Variants in LDLRAD4 observed in about 807,000 individuals in gnomAD.
LDLRAD4 encodes low density lipoprotein receptor class A domain containing 4, also known as low-density lipoprotein receptor class A domain-containing protein 4.
In LDLRAD4, 5 loss-of-function variants were observed where a neutral mutation model predicts 17.0. That is an observed-to-expected ratio of 0.29 (90% confidence interval 0.15 to 0.62). LDLRAD4 has a LOEUF of 0.62. LDLRAD4 is among the 20% of genes least tolerant of loss of function. The pLI is 0.84. For missense variants in LDLRAD4, 340 were observed against 424.7 expected (o/e 0.80, Z 1.75); for synonymous variants, 168 against 171.8 (o/e 0.98, Z 0.17).
At chr18:13,372,328 T>G (rs2084580018) in intron 1 of LDLRAD4, among the ~76,000 whole-genome samples, 1 of 152,228 alleles carries the variant, frequency 6.6e-6, no homozygotes, top group African/African-American at 2.4e-5. Flanking sequence ...TTTTCCTGGT[T>G]AGCCTTACTT....
chr18:13,465,944 G>A (rs2092602337), intron 3 of LDLRAD4, among the ~76,000 whole-genome samples: 1 of 151,944 alleles, frequency 6.6e-6, no homozygotes, highest in South Asian at 2.1e-4. Context: ...TATTTTACCT[G>A]TCTCACTTAC....
intron 1 of LDLRAD4, among the ~76,000 whole-genome samples, chr18:13,333,151 A>T (rs2081950230): frequency 6.6e-6 from 1 of 151,332 alleles, no homozygotes; most frequent in South Asian, 2.1e-4. Flanking sequence ...TTTAATTTTC[A>T]TTTTCCTGAT....
intron 3 of LDLRAD4, among the ~76,000 whole-genome samples, chr18:13,469,009 A>T (rs190745333): frequency 2.0e-5 from 3 of 152,334 alleles, no homozygotes; most frequent in East Asian, 1.9e-4. Flanking sequence ...ATAATAATAA[A>T]AAAAGAACTA....
At chr18:13,347,322 C>T (rs550407450) in intron 1 of LDLRAD4, among the ~76,000 whole-genome samples, 6 of 152,288 alleles carry the variant, frequency 3.9e-5, no homozygotes, top group Non-Finnish European at 7.4e-5. Context: ...ATTTCTCTTT[C>T]ACTTATGAAG....
chr18:13,439,537 T>G (rs2090890314), intron 3 of LDLRAD4, among the ~76,000 whole-genome samples: 1 of 152,236 alleles, frequency 6.6e-6, no homozygotes, highest in Admixed American at 6.5e-5. Context: ...TTCTTGGAGG[T>G]TCAGGCTGGG....
chr18:13,503,300 A>G (rs140921267), intron 3 of LDLRAD4, among the ~76,000 whole-genome samples: 2 of 152,310 alleles, frequency 1.3e-5, no homozygotes, highest in East Asian at 1.9e-4. Context: ...CAGCATCTCA[A>G]TTCTGCGCAG....
chr18:13,254,400 G>T (rs1262551012), intron 1 of LDLRAD4, among the ~76,000 whole-genome samples: 1 of 152,210 alleles, frequency 6.6e-6, no homozygotes, highest in Non-Finnish European at 1.5e-5. Context: ...GCCACGGTCT[G>T]GAGACTGGGC....
intron 1 of LDLRAD4, among the ~76,000 whole-genome samples, chr18:13,226,239 T>C (rs1221245208): frequency 1.4e-5 from 2 of 138,128 alleles, no homozygotes; most frequent in African/African-American, 5.2e-5. Flanking sequence ...CAGGCTGGTC[T>C]CAAATTCCCG....
intron 3 of LDLRAD4, among the ~76,000 whole-genome samples, chr18:13,513,749 C>T (rs1187915754): frequency 6.6e-6 from 1 of 152,216 alleles, no homozygotes; most frequent in Non-Finnish European, 1.5e-5. Context: ...CATGGAACAC[C>T]TGTCAGGCCA....
intron 3 of LDLRAD4, among the ~76,000 whole-genome samples, chr18:13,485,500 A>G (rs2093201319): frequency 6.6e-6 from 1 of 152,144 alleles, no homozygotes; most frequent in Admixed American, 6.5e-5. Flanking sequence ...GTTCCATGGT[A>G]CGGCATGACA....
At chr18:13,445,122 A>G (rs950921718) in intron 3 of LDLRAD4, among the ~76,000 whole-genome samples, 1 of 152,142 alleles carries the variant, frequency 6.6e-6, no homozygotes, top group East Asian at 1.9e-4. Flanking sequence ...CCCTGGAGGG[A>G]CAGACCTTTG....
intron 3 of LDLRAD4, among the ~76,000 whole-genome samples, chr18:13,442,889 G>A (rs891425500): frequency 2.0e-5 from 3 of 152,208 alleles, no homozygotes; most frequent in African/African-American, 4.8e-5. Flanking sequence ...AGTAAGGTCA[G>A]CGTCGACAAG....
At chr18:13,357,279 C>G (rs923872085) in intron 1 of LDLRAD4, among the ~76,000 whole-genome samples, 2 of 152,090 alleles carry the variant, frequency 1.3e-5, no homozygotes, top group Non-Finnish European at 2.9e-5. Flanking sequence ...AGGTCTTGCT[C>G]TGTTGTGCAG....
intron 3 of LDLRAD4, among the ~76,000 whole-genome samples, chr18:13,617,891 G>A (rs543130811): frequency 1.3e-5 from 2 of 152,314 alleles, no homozygotes; most frequent in South Asian, 2.1e-4. Context: ...CAGCCTAAAC[G>A]AATGCAGCCT....
exon 6 of LDLRAD4, chr18:13,647,280 A>G (rs1445638926): frequency 1.3e-5 from 2 of 152,198 alleles, no homozygotes; most frequent in Non-Finnish European, 2.9e-5. Context: ...GAAAAAAATA[A>G]CTTTCTTCTG....
chr18:13,288,179 G>A (rs1176189951), intron 1 of LDLRAD4, among the ~76,000 whole-genome samples: 1 of 152,186 alleles, frequency 6.6e-6, no homozygotes, highest in Non-Finnish European at 1.5e-5. Context: ...ATGTCTGGCA[G>A]TTTTATAATC....
chr18:13,236,701 C>G (rs1003347692), intron 1 of LDLRAD4, among the ~76,000 whole-genome samples: 13 of 150,416 alleles, frequency 8.6e-5, no homozygotes, highest in African/African-American at 3.2e-4. Flanking sequence ...CCGTGTTTCT[C>G]AGTCTGGAGG....
chr18:13,478,208 G>C (rs898843382), intron 3 of LDLRAD4, among the ~76,000 whole-genome samples: 1 of 152,142 alleles, frequency 6.6e-6, no homozygotes, highest in East Asian at 1.9e-4. Context: ...ATCACCTGGG[G>C]CTTGTTGGAC....
intron 1 of LDLRAD4, among the ~76,000 whole-genome samples, chr18:13,294,176 T>A (rs1331306027): frequency 6.6e-6 from 1 of 152,254 alleles, no homozygotes; most frequent in Non-Finnish European, 1.5e-5. Flanking sequence ...AATGGGTTAA[T>A]TAACCTCCGG....
Sources: allele counts gnomAD v4.1 joint callset (sites outside exome capture counted in the v4.1 genomes callset), GRCh38; gene constraint gnomAD v4.1.1; transcripts MANE v1.5; gene names NCBI Gene and HGNC (gene_info 2026-07-23, HGNC 2026-07-21).